Variants in LCP1 observed in about 807,000 individuals in gnomAD.
LCP1 encodes lymphocyte cytosolic protein 1.
A neutral mutation model predicts 72.0 loss-of-function variants in LCP1; 23 were observed. The ratio of observed to expected loss-of-function variants is 0.32; its 90% CI spans 0.23 to 0.45. The LOEUF (loss-of-function observed/expected upper bound fraction) is 0.45. Ranked by LOEUF, LCP1 falls within the 20% of genes least tolerant of loss-of-function variation. The probability of loss-of-function intolerance (pLI) is 1.00; values close to 1 mark genes in which losing one functional copy is unlikely to be tolerated. For synonymous variants in LCP1, 245 were observed against 275.4 expected (o/e 0.89, Z 1.09); for missense variants, 571 against 748.3 (o/e 0.76, Z 2.76).
chr13:46,134,323 A>G (rs2045651151), intron 13 of LCP1, 73 bp from the exon 14 acceptor site: 1 of 1,503,254 alleles, frequency 6.7e-7, no homozygotes, highest in Admixed American at 1.8e-5. Context: ...GTAGCTAAGG[A>G]TGGAATTTTT....
intron 1 of LCP1, among the ~76,000 whole-genome samples, chr13:46,165,414 C>T (rs767783599): frequency 3.3e-5 from 5 of 151,712 alleles, no homozygotes; most frequent in Middle Eastern, 3.2e-3. Context: ...TTTTAATTCA[C>T]GCATATTTGA....
rs1188221280 is a variant in LCP1, at chr13:46,127,047, A to T, written c.*544T>A. 1 of 231,270 alleles carries T rather than the reference A, an allele frequency of 4.3e-6. No individual in the cohort carries two copies. The highest frequency in any genetic ancestry group is 8.6e-6 in the Non-Finnish European group (1 of 116,942). The allele number at this position is 231,270 out of a possible 1,614,324, so 14.3% of individuals were successfully genotyped here. On this transcript the variant is annotated 3_prime_UTR_variant, in exon 16 of 16. Transcript: ENST00000323076. ...GCCCAGAGACAAGGACGGCCAGAAGAGATGGGCCCCCCCGGAAGGCATGGT... is the reference window on the plus strand; with the variant it reads ...GCCCAGAGACAAGGACGGCCAGAAGTGATGGGCCCCCCCGGAAGGCATGGT...
chr13:46,170,502 C>A (rs9634799), intron 1 of LCP1, among the ~76,000 whole-genome samples: 2 of 151,920 alleles, frequency 1.3e-5, no homozygotes, highest in East Asian at 3.9e-4. Context: ...GTAAGCTGAG[C>A]GCTGCTGAGG....
chr13:46,147,652 T>C (rs1944351086), intron 9 of LCP1, among the ~76,000 whole-genome samples: 1 of 152,154 alleles, frequency 6.6e-6, no homozygotes, highest in Non-Finnish European at 1.5e-5. Context: ...TATTGATAAA[T>C]ATATAATATC....
At chr13:46,152,021 A>G (rs1293015602) in intron 7 of LCP1, among the ~76,000 whole-genome samples, 1 of 152,220 alleles carries the variant, frequency 6.6e-6, no homozygotes, top group Non-Finnish European at 1.5e-5. Flanking sequence ...GTCTTTAAAA[A>G]TGTTTATTCT....
At chr13:46,174,728 C>A (rs1189546706) in intron 1 of LCP1, among the ~76,000 whole-genome samples, 3 of 151,610 alleles carry the variant, frequency 2.0e-5, no homozygotes, top group Admixed American at 2.0e-4. Context: ...TGCCTGTAAT[C>A]CCAGCTACTC....
intron 13 of LCP1, 80 bp from the exon 14 acceptor site, chr13:46,134,330 T>A: frequency 7.0e-7 from 1 of 1,431,554 alleles, no homozygotes; most frequent in Non-Finnish European, 9.6e-7. Flanking sequence ...AGGATGGAAT[T>A]TTTTTTTCGG....
chr13:46,168,009 C>A (rs2045886035), intron 1 of LCP1, among the ~76,000 whole-genome samples: 1 of 151,914 alleles, frequency 6.6e-6, no homozygotes, highest in Admixed American at 6.6e-5. Flanking sequence ...AGAGGCTTAT[C>A]AAAAAAATAA....
intron 1 of LCP1, among the ~76,000 whole-genome samples, chr13:46,180,290 A>T (rs1038244765): frequency 2.0e-5 from 3 of 152,170 alleles, no homozygotes; most frequent in South Asian, 2.1e-4. Context: ...TGCTTACACT[A>T]CGTGCTCATA....
At chr13:46,141,437 T>G (rs1376982888) in intron 13 of LCP1, among the ~76,000 whole-genome samples, 1 of 133,046 alleles carries the variant, frequency 7.5e-6, no homozygotes, top group African/African-American at 2.8e-5. Flanking sequence ...GAAACAACAA[T>G]GTACATCATA....
chr13:46,157,952 C>A (rs2045813815), intron 4 of LCP1, among the ~76,000 whole-genome samples: 1 of 152,072 alleles, frequency 6.6e-6, no homozygotes, highest in African/African-American at 2.4e-5. Flanking sequence ...GTCTTTAACT[C>A]CTGACCTCAG....
chr13:46,165,305 C>T (rs971054051), intron 1 of LCP1, among the ~76,000 whole-genome samples: 1 of 151,590 alleles, frequency 6.6e-6, no homozygotes, highest in Admixed American at 6.6e-5. Flanking sequence ...ACCCAGGAAG[C>T]GGAGGTTGCA....
At chr13:46,146,838 G>C in intron 10 of LCP1, 70 bp downstream of exon 10, 3 of 1,441,292 alleles carry the variant, frequency 2.1e-6, no homozygotes, top group Non-Finnish European at 2.9e-6. Context: ...CTTAGGAAGT[G>C]AGTTTGAATT....
intron 8 of LCP1, 82 bp downstream of exon 8, chr13:46,150,854 C>T: frequency 2.0e-6 from 3 of 1,473,292 alleles, no homozygotes; most frequent in Non-Finnish European, 2.8e-6. Flanking sequence ...GAGGAAGCCC[C>T]AAATCTTTAT....
chr13:46,144,362 A>G (rs1362873255), intron 11 of LCP1, 80 bp downstream of exon 11: 2 of 1,065,142 alleles, frequency 1.9e-6, no homozygotes, highest in Non-Finnish European at 2.9e-6. Flanking sequence ...AAGAGAATGC[A>G]CATCATAGTG....
At position 46,129,876 on chromosome 13, in the gene LCP1, G is replaced by A. The variant is rs115680331; in HGVS notation, c.1751+938C>T. Among the ~76,000 whole-genome samples the A allele has an allele frequency of 5.7e-3, 863 of 152,274 alleles. 16 individuals are homozygous for A. The highest frequency in any genetic ancestry group is 0.02 in the African/African-American group (824 of 41,558). On this transcript the variant is annotated intron_variant, in intron 15 of 15. Coordinates refer to ENST00000323076, the MANE Select transcript of LCP1 (RefSeq NM_002298.5). Reference sequence around the variant, plus strand: ...AGACGAGGTCATGCTGGAGTTGGGTGGGACCTTAATCCAGTAGGACTGGTG... The same window carrying A: ...AGACGAGGTCATGCTGGAGTTGGGTAGGACCTTAATCCAGTAGGACTGGTG...
At chr13:46,174,847 A>AG (rs1349816122) in intron 1 of LCP1, among the ~76,000 whole-genome samples, 78 of 151,998 alleles carry the variant, frequency 5.1e-4, no homozygotes, top group African/African-American at 1.6e-3. Context: ...AAAAAAAAAA[A>AG]AAAAGAAAAA....
At chr13:46,153,012 A>G in intron 6 of LCP1, 67 bp from the exon 7 acceptor site, 1 of 1,443,652 alleles carries the variant, frequency 6.9e-7, no homozygotes, top group Non-Finnish European at 9.4e-7. Context: ...TACCGATGGC[A>G]ACAGTAACAA....
At position 46,158,140 on chromosome 13, in the gene LCP1, A is replaced by C. The variant is rs972306140; in HGVS notation, c.358+382T>G. Among the ~76,000 whole-genome samples the C allele has an allele frequency of 4.6e-5, 7 of 152,360 alleles. No individual in the cohort carries two copies. The East Asian group carries it at 1.3e-3, about 29-fold the overall frequency. Reference sequence around the variant, plus strand: ...GTTTCCATTATGGCTGTTGGATGGCAGCCTTCGGAATAAATTTACAAATTT... The same window carrying C: ...GTTTCCATTATGGCTGTTGGATGGCCGCCTTCGGAATAAATTTACAAATTT... On this transcript the variant is annotated intron_variant, in intron 4 of 15. Transcript: ENST00000323076.
Sources: gnomAD v4.1 joint callset for allele counts (sites outside exome capture counted in the v4.1 genomes callset) on GRCh38, gnomAD v4.1.1 for gene constraint, MANE v1.5 for transcripts, NCBI Gene and HGNC (gene_info 2026-07-23, HGNC 2026-07-21) for gene names.